FAT2: variants seen among roughly 807,000 people sequenced by gnomAD.
The protein encoded by FAT2 is FAT atypical cadherin 2, also known as protocadherin Fat 2.
Under a neutral mutation model 295.3 loss-of-function variants are expected in FAT2, and 150 were observed. That is an observed-to-expected ratio of 0.51 (90% CI 0.44 to 0.58). FAT2 has a LOEUF of 0.58. Ranked by LOEUF, FAT2 falls within the 20% of genes least tolerant of loss-of-function variation. The pLI, the probability that FAT2 is intolerant of heterozygous loss-of-function variation, is 0.00. For missense variants in FAT2, 4,868 were observed against 5,442.7 expected (o/e 0.89, Z 3.32); for synonymous variants, 2,026 against 2,150.3 (o/e 0.94, Z 1.60).
In FAT2 at chr5:151,545,186, A is replaced by G. The variant is rs1307204496; in HGVS notation, c.5941T>C (p.Leu1981=). ...DVYWAAVKEN[L]QDRKALVILG... is the part of the protein sequence containing the mutation. ...ATCACCAGTGCCTTTCTGTCCTGCA[A>G]GTTCTCCTTCACAGCTGCCCAGTAG... The change falls in exon 10 of 24, where the codon TTG becomes CTG. Residue 1981 remains leucine, a synonymous_variant. Coordinates refer to ENST00000261800, the MANE Select transcript of FAT2 (RefSeq NM_001447.3). 3.7e-6 allele frequency: 6 copies of G among 1,614,202 alleles called. No individual in the cohort carries two copies. The highest frequency in any genetic ancestry group is 1.3e-5 in the African/African-American group (1 of 75,048).
chr5:151,585,096 C>T (rs1445608406), intron 1 of FAT2, among the ~76,000 whole-genome samples: 1 of 152,194 alleles, frequency 6.6e-6, no homozygotes, highest in East Asian at 1.9e-4. Flanking sequence ...AATTAACTCG[C>T]TGGACCTCTC....
Position 151,512,683 on chromosome 5 carries a change from G to T in FAT2, c.11464-77C>A. On this transcript the variant is annotated intron_variant, in intron 20 of 23. Coordinates refer to ENST00000261800, the MANE Select transcript of FAT2 (RefSeq NM_001447.3). The surrounding 1 kb of genome is among the most constrained non-coding windows in gnomAD (Gnocchi z 4.1). Reference sequence around the variant, plus strand: ...CCTGCTAAGAGGCTGCCAGTTCAAAGAATGTTGTTTGTATTTTTATGGGTA... The same window carrying T: ...CCTGCTAAGAGGCTGCCAGTTCAAATAATGTTGTTTGTATTTTTATGGGTA... 7.5e-7 allele frequency: 1 copy of T among 1,331,938 alleles called. No homozygotes were observed. Among genetic ancestry groups the T allele is most frequent in the Non-Finnish European group, 1.0e-6 (1 of 976,700 alleles). 82.5% of individuals were successfully genotyped at this position (1,331,938 alleles called of 1,614,324 possible). A position where few individuals can be genotyped will look rare whatever the true frequency, so the allele number is the denominator to read the frequency against.
At chr5:151,584,348 C>G (rs1759086490) in intron 1 of FAT2, among the ~76,000 whole-genome samples, 1 of 152,178 alleles carries the variant, frequency 6.6e-6, no homozygotes, top group African/African-American at 2.4e-5. Context: ...TAGCTGGGTT[C>G]CAGCTCATTG....
intron 12 of FAT2, among the ~76,000 whole-genome samples, chr5:151,535,567 G>A (rs72798355): frequency 0.26 from 38,990 of 152,096 alleles, 6,218 homozygotes; most frequent in East Asian, 0.39. Context: ...CTCTTCACCT[G>A]TATCCTTTGC....
intron 1 of FAT2, among the ~76,000 whole-genome samples, chr5:151,569,962 A>G (rs1202600197): frequency 1.3e-5 from 2 of 152,246 alleles, no homozygotes; most frequent in African/African-American, 4.8e-5. Context: ...ATTTAACCTC[A>G]TGAGCCTTCA....
chr5:151,580,275 T>C (rs1280058438), intron 1 of FAT2, among the ~76,000 whole-genome samples: 2 of 152,098 alleles, frequency 1.3e-5, no homozygotes, highest in Non-Finnish European at 2.9e-5. Flanking sequence ...AAAGAACTGG[T>C]TTCAGAGTGA....
chr5:151,510,157 G>A lies in FAT2; in HGVS notation c.11923C>T (p.Pro3975Ser), dbSNP rs1247122733. ...CAGTGCTTCCCAGAGAACTGTGGGG[G>A]ACATTTGCAGACATAGCCTAGGAGA... ...THGAGYVCKCPPQFSGKHCEQ... is the reference protein window; with the variant it reads ...THGAGYVCKCSPQFSGKHCEQ... Residue 3975 changes from proline (P) to serine (S), a missense_variant, in exon 22 of 24, where the codon CCC becomes TCC. Transcript: ENST00000261800. The A allele has an allele frequency of 1.2e-6, 2 of 1,614,114 alleles. No individual in the cohort carries two copies. The highest frequency in any genetic ancestry group is 2.7e-5 in the African/African-American group (2 of 75,030).
intron 1 of FAT2, among the ~76,000 whole-genome samples, chr5:151,576,024 G>A (rs1758734405): frequency 6.6e-6 from 1 of 152,186 alleles, no homozygotes; most frequent in Non-Finnish European, 1.5e-5. Context: ...GGAACCACAG[G>A]ATTCATGAGA....
intron 17 of FAT2, 150 bp downstream of exon 17, chr5:151,527,084 T>C: frequency 1.3e-6 from 1 of 741,958 alleles, no homozygotes; most frequent in Non-Finnish European, 2.2e-6. Context: ...AATTCTATAA[T>C]GCCCTCCAGC....
intron 3 of FAT2, 120 bp downstream of exon 3, chr5:151,563,205 G>T (rs374664905): frequency 2.1e-6 from 2 of 934,764 alleles, no homozygotes; most frequent in Non-Finnish European, 1.6e-6. Flanking sequence ...TGGATTTAGG[G>T]TGGGGCCAGA....
At chr5:151,577,124 G>T (rs567564620) in intron 1 of FAT2, among the ~76,000 whole-genome samples, 122 of 152,232 alleles carry the variant, frequency 8.0e-4, no homozygotes, top group African/African-American at 2.7e-3. Context: ...TGCCGTCATA[G>T]AACATAATTT....
At position 151,568,252 on chromosome 5, in the gene FAT2, A is replaced by G. The variant is rs1345647214; in HGVS notation, c.680T>C (p.Met227Thr). ...HELQVLAVDRMRKISEGNGFG... is the reference protein window; with the variant it reads ...HELQVLAVDRTRKISEGNGFG... ...CCCATTGCCCTCAGAGATTTTCCGC[A>G]TGCGGTCCACAGCTAGCACCTGGAG... is the stretch of plus-strand genomic sequence containing the variant. The change falls in exon 2 of 24, where the codon ATG becomes ACG. Residue 227 changes from methionine (M) to threonine (T), a missense_variant. By Grantham distance (81) the Met-to-Thr change is moderately conservative. Around this residue, in one of 5 missense-constraint regions of FAT2, gnomAD observed 3,297 missense variants for 3,669.4 expected, o/e 0.90. Coordinates refer to ENST00000261800, the MANE Select transcript of FAT2 (RefSeq NM_001447.3). 8 of 1,614,054 alleles carry G rather than the reference A, an allele frequency of 5.0e-6. No individual in the cohort carries two copies. Among genetic ancestry groups the G allele is most frequent in the Non-Finnish European group, 6.8e-6 (8 of 1,180,024 alleles).
intron 20 of FAT2, among the ~76,000 whole-genome samples, 182 bp downstream of exon 20, chr5:151,517,438 G>A (rs149408452): frequency 6.1e-4 from 93 of 152,342 alleles, no homozygotes; most frequent in Non-Finnish European, 1.1e-3. Context: ...TCTCCAGGTT[G>A]GGTGGCTGTG....
In FAT2 at chr5:151,534,456, G is replaced by C. The variant is rs781761056; in HGVS notation, c.9380C>G (p.Thr3127Arg). The stretch of plus-strand genomic sequence containing the variant: ...TACTACAGCCACAGGGGTCTTCACT[G>C]TGGTGTTGTCGAAGACAGCCACAGC... ...HCAVAVFDNT[T>R]VKTPVAVVFA... The change falls in exon 13 of 24, where the codon ACA becomes AGA. Residue 3127 changes from threonine (T) to arginine (R), a missense_variant. Coordinates refer to ENST00000261800, the MANE Select transcript of FAT2 (RefSeq NM_001447.3). The C allele has an allele frequency of 3.7e-6, 6 of 1,613,882 alleles. No homozygotes were observed. The Admixed American group carries it at 1.0e-4, about 27-fold the overall frequency.
At chr5:151,564,982 G>A (rs1349335564) in intron 2 of FAT2, among the ~76,000 whole-genome samples, 1 of 152,134 alleles carries the variant, frequency 6.6e-6, no homozygotes, top group Non-Finnish European at 1.5e-5. Flanking sequence ...GCCTAAGGCA[G>A]GAGAATCGCT....
At chr5:151,565,050 G>C (rs1758186029) in intron 2 of FAT2, among the ~76,000 whole-genome samples, 1 of 152,102 alleles carries the variant, frequency 6.6e-6, no homozygotes, top group Admixed American at 6.5e-5. Flanking sequence ...ACTCCAGCCT[G>C]GGTGACAGAG....
chr5:151,542,674 T>C lies in FAT2; in HGVS notation c.8453A>G (p.Gln2818Arg). ...AGTGTCCTTGTCAATGGCAGTCACT[T>C]GAATGACTGAGGTCCCCACTGGCAT... Reference protein sequence around the residue: ...ENMPVGTSVIQVTAIDKDTGR... With the variant: ...ENMPVGTSVIRVTAIDKDTGR... The change falls in exon 10 of 24, where the codon CAA becomes CGA. Residue 2818 changes from glutamine (Q) to arginine (R), a missense_variant. By Grantham distance (43) the Gln-to-Arg change is conservative. Around this residue, in one of 5 missense-constraint regions of FAT2, gnomAD observed 3,297 missense variants for 3,669.4 expected, o/e 0.90. Coordinates refer to ENST00000261800, the MANE Select transcript of FAT2 (RefSeq NM_001447.3). 3.1e-6 allele frequency: 5 copies of C among 1,614,216 alleles called. No homozygotes were observed. Among genetic ancestry groups the C allele is most frequent in the Non-Finnish European group, 4.2e-6 (5 of 1,180,038 alleles).
At chr5:151,509,848 C>T (rs1416624360) in intron 22 of FAT2, 173 bp downstream of exon 22, 46 of 675,014 alleles carry the variant, frequency 6.8e-5, no homozygotes, top group East Asian at 6.8e-4. Context: ...TCCATGAAAC[C>T]GGTCCCTGGT....
intron 1 of FAT2, among the ~76,000 whole-genome samples, chr5:151,578,318 A>G (rs1490896080): frequency 6.6e-6 from 1 of 152,244 alleles, no homozygotes; most frequent in Non-Finnish European, 1.5e-5. Context: ...CAAAAGGATG[A>G]GTTTTCAAAC....
Sources: allele counts gnomAD v4.1 joint callset (sites outside exome capture counted in the v4.1 genomes callset), GRCh38; gene constraint gnomAD v4.1.1; regional missense constraint gnomAD v4.1.1; non-coding constraint Gnocchi (gnomAD v3.1); transcripts MANE v1.5; gene names NCBI Gene and HGNC (gene_info 2026-07-23, HGNC 2026-07-21).